Variants in TP53BP1 observed in about 807,000 individuals in gnomAD.
The protein encoded by TP53BP1 is TP53-binding protein 1.
Under a neutral mutation model 200.8 loss-of-function variants are expected in TP53BP1, and 61 were observed. The ratio of observed to expected loss-of-function variants is 0.30; its 90% CI spans 0.25 to 0.38. The LOEUF is 0.38. TP53BP1 is among the 10% of genes least tolerant of loss of function. The pLI is 1.00. For synonymous variants in TP53BP1, 822 were observed against 844.3 expected, an observed-to-expected ratio of 0.97 and a Z score of 0.46; for missense variants, 2,144 against 2,371.9, an observed-to-expected ratio of 0.90 and a Z score of 2.00.
chr15:43,431,444 T>C (rs940553842), intron 17 of TP53BP1, among the ~76,000 whole-genome samples: 7 of 152,172 alleles, frequency 4.6e-5, no homozygotes, highest in Non-Finnish European at 8.8e-5. Flanking sequence ...AAGGTCTCAC[T>C]ATGTTGCCCA....
chr15:43,462,725 T>A (rs536255636), intron 11 of TP53BP1, among the ~76,000 whole-genome samples: 1 of 152,324 alleles, frequency 6.6e-6, no homozygotes, highest in African/African-American at 2.4e-5. Flanking sequence ...TACCTTTTTT[T>A]AAATGAAACT....
At chr15:43,450,387 C>A (rs575605235) in intron 12 of TP53BP1, among the ~76,000 whole-genome samples, 1 of 152,192 alleles carries the variant, frequency 6.6e-6, no homozygotes, top group East Asian at 1.9e-4. Context: ...ATATATCCGG[C>A]GATATCATGC....
At chr15:43,490,817 T>C (rs1431616246) in intron 4 of TP53BP1, among the ~76,000 whole-genome samples, 1 of 152,212 alleles carries the variant, frequency 6.6e-6, no homozygotes, top group Non-Finnish European at 1.5e-5. Flanking sequence ...GTCTATACAA[T>C]GGAAGTAATG....
At chr15:43,483,899 C>CT (rs2079009967) in intron 4 of TP53BP1, among the ~76,000 whole-genome samples, 1 of 152,300 alleles carries the variant, frequency 6.6e-6, no homozygotes, top group East Asian at 1.9e-4. Flanking sequence ...CCTTGGACCT[C>CT]TTTTCTAGCT....
intron 11 of TP53BP1, among the ~76,000 whole-genome samples, chr15:43,465,306 C>T (rs1364528745): frequency 1.3e-5 from 2 of 151,986 alleles, no homozygotes; most frequent in African/African-American, 4.8e-5. Flanking sequence ...GAAATTAGAT[C>T]ATGGTGATGG....
Position 43,447,417 on chromosome 15 carries a change from G to A in TP53BP1, c.2785C>T (p.Pro929Ser). Residue 929 changes from proline to serine, a missense_variant, in exon 13 of 28, where the codon CCT becomes TCT. By Grantham distance (74) the Pro-to-Ser change is moderately conservative. Transcript: ENST00000382044. ...TCCAATTTTAGGTGCCCAATAAGAGGTGGGGTTGCACCAGTCAATGGTGGG... is the reference window on the plus strand; with the variant it reads ...TCCAATTTTAGGTGCCCAATAAGAGATGGGGTTGCACCAGTCAATGGTGGG... ...IIPPLTGATP[P>S]LIGHLKLEPK... The A allele has an allele frequency of 6.2e-7, 1 of 1,604,092 alleles. No homozygotes were observed. The highest frequency in any genetic ancestry group is 1.4e-5 in the African/African-American group (1 of 73,938).
intron 4 of TP53BP1, among the ~76,000 whole-genome samples, chr15:43,485,327 C>T (rs576574730): frequency 3.3e-5 from 5 of 152,168 alleles, no homozygotes; most frequent in African/African-American, 1.2e-4. Context: ...CCTGTAATCC[C>T]AGCACTTTGG....
chr15:43,474,350 GCTC>G (rs1252258041), intron 10 of TP53BP1, among the ~76,000 whole-genome samples: 2 of 151,510 alleles, frequency 1.3e-5, no homozygotes, highest in Non-Finnish European at 2.9e-5. Context: ...GGGCTGAAGG[GCTC>G]CTCAAGTGCC....
At chr15:43,494,767 T>C (rs2079170756), upstream of TP53BP1, among the ~76,000 whole-genome samples, 1 of 152,228 alleles carries the variant, frequency 6.6e-6, no homozygotes, top group South Asian at 2.1e-4. Context: ...AATCATGACC[T>C]TGAGTCCCAT....
At chr15:43,480,107 A>G (rs1262836096) in intron 5 of TP53BP1, 90 bp from the exon 6 acceptor site, 4 of 1,223,566 alleles carry the variant, frequency 3.3e-6, no homozygotes, top group Non-Finnish European at 4.6e-6. Flanking sequence ...GGTCCCGTTA[A>G]GTCCTTCACA....
At chr15:43,480,446 G>A (rs780555221) in intron 5 of TP53BP1, among the ~76,000 whole-genome samples, 2 of 151,314 alleles carry the variant, frequency 1.3e-5, no homozygotes, top group Non-Finnish European at 2.9e-5. Flanking sequence ...AGACTCCGTC[G>A]CAAAAAAATA....
chr15:43,417,208 A>G (rs1433672604), intron 21 of TP53BP1: 1 of 151,932 alleles, frequency 6.6e-6, no homozygotes. Flanking sequence ...CCCCACACAC[A>G]TATACAATAC....
rs779088744 is a variant in TP53BP1 at position 43,462,216 on chromosome 15, C to CAAA, written c.1390-5001_1390-4999dup. On this transcript the variant is annotated intron_variant, in intron 11 of 27. Transcript: ENST00000382044. ...ACACGTGGAGAGCGAGACTTCATCT[C>CAAA]AAAAAAAAAAAAAAAAAAAAAAAAA... 1.4e-3 allele frequency among the ~76,000 whole-genome samples: 47 copies of CAAA among 34,098 alleles called. 11 individuals carry two copies. The highest frequency in any genetic ancestry group is 2.3e-3 in the Non-Finnish European group (37 of 16,142). 22.4% of individuals were successfully genotyped at this position (34,098 alleles called of 152,430 possible). A position where few individuals can be genotyped will look rare whatever the true frequency, so the allele number is the denominator to read the frequency against.
chr15:43,425,498 A>G lies in TP53BP1; in HGVS notation c.3828+2518T>C, dbSNP rs139222449. 2.0e-3 allele frequency among the ~76,000 whole-genome samples: 309 copies of G among 152,298 alleles called. 11 individuals are homozygous for G. The East Asian group carries it at 0.052, about 25-fold the overall frequency. ...TTAGCAGATGTGGTAGCGTGTGCCT[A>G]TGGTCCCAGCTACTCAGAAGGCTGA... On this transcript the variant is annotated intron_variant, in intron 18 of 27. Transcript: ENST00000382044.
At chr15:43,452,317 G>A (rs1340801401) in intron 12 of TP53BP1, among the ~76,000 whole-genome samples, 2 of 152,008 alleles carry the variant, frequency 1.3e-5, no homozygotes, top group Non-Finnish European at 2.9e-5. Flanking sequence ...TGTAATCCTG[G>A]CACTCTGGGA....
At chr15:43,441,678 A>G in intron 14 of TP53BP1, 95 bp from the exon 15 acceptor site, 1 of 733,754 alleles carries the variant, frequency 1.4e-6, no homozygotes, top group Non-Finnish European at 2.4e-6. Flanking sequence ...TAGTATTTGC[A>G]AAAAATAACA....
chr15:43,442,918 C>T (rs373757035), intron 14 of TP53BP1, among the ~76,000 whole-genome samples: 2 of 143,096 alleles, frequency 1.4e-5, no homozygotes, highest in African/African-American at 2.6e-5. Context: ...CTCCGCCTCT[C>T]GGGTTCAAGA....
intron 16 of TP53BP1, among the ~76,000 whole-genome samples, chr15:43,433,844 C>A (rs148029613): frequency 0.01 from 1,528 of 152,160 alleles, 21 homozygotes; most frequent in Non-Finnish European, 0.016. Flanking sequence ...AGTATGTGGC[C>A]AGAAAAAGAG....
chr15:43,457,432 G>A (rs988018322), intron 11 of TP53BP1, among the ~76,000 whole-genome samples: 5 of 152,068 alleles, frequency 3.3e-5, no homozygotes, highest in African/African-American at 1.2e-4. Context: ...TTCTCACAAA[G>A]TGGGGATACG....
Sources: gnomAD v4.1 joint callset for allele counts (sites outside exome capture counted in the v4.1 genomes callset) on GRCh38, gnomAD v4.1.1 for gene constraint, MANE v1.5 for transcripts, NCBI Gene and HGNC (gene_info 2026-07-23, HGNC 2026-07-21) for gene names.